The following CRYBG1 variants were observed in gnomAD, a reference collection of about 807,000 sequenced individuals.
CRYBG1 encodes beta/gamma crystallin domain-containing protein 1.
Under a neutral mutation model 189.2 loss-of-function variants are expected in CRYBG1, and 139 were observed. The observed-to-expected ratio is 0.73, with a 90% CI of 0.64 to 0.85. The LOEUF (loss-of-function observed/expected upper bound fraction) is 0.85, where lower values mean the gene tolerates loss of function less well. CRYBG1 is among the 40% of genes least tolerant of loss of function. The pLI is 0.00. For synonymous variants in CRYBG1, 1,023 were observed against 1,017.1 expected (o/e 1.01, Z -0.11); for missense variants, 2,611 against 2,675.8 (o/e 0.98, Z 0.53).
At chr6:106,482,705 A>G (rs1428090578) in intron 2 of CRYBG1, among the ~76,000 whole-genome samples, 1 of 152,054 alleles carries the variant, frequency 6.6e-6, no homozygotes, top group East Asian at 1.9e-4. Flanking sequence ...AACCGGGGAG[A>G]CAGAGGTTGC....
chr6:106,569,334 C>A lies in CRYBG1; in HGVS notation c.*768C>A, dbSNP rs1268642366. The A allele has an allele frequency of 6.6e-6, 1 of 152,152 alleles. No individual in the cohort carries two copies. The highest frequency in any genetic ancestry group is 1.5e-5 in the Non-Finnish European group (1 of 68,042). 9.4% of individuals were successfully genotyped at this position (152,152 alleles called of 1,614,324 possible). A position where few individuals can be genotyped will look rare whatever the true frequency, so the allele number is the denominator to read the frequency against. On this transcript the variant is annotated 3_prime_UTR_variant, in exon 22 of 22. Coordinates refer to ENST00000633556, the MANE Select transcript of CRYBG1 (RefSeq NM_001371242.2). ...TCCCCAGGCTCAGGTGATCCTCCCA[C>A]CTCAGCCTCCCAAGTAGCTGGGACT...
chr6:106,383,713 C>T (rs1190052390), intron 1 of CRYBG1, among the ~76,000 whole-genome samples: 1 of 152,188 alleles, frequency 6.6e-6, no homozygotes, highest in East Asian at 1.9e-4. Flanking sequence ...ACATGTTTTT[C>T]CTCTGATCAG....
chr6:106,435,787 G>T (rs760057367), intron 1 of CRYBG1, among the ~76,000 whole-genome samples: 3 of 151,954 alleles, frequency 2.0e-5, no homozygotes, highest in Non-Finnish European at 4.4e-5. Context: ...TGTTGGTCAG[G>T]CTGGTCTCTA....
chr6:106,372,320 C>CAACTCACTGTAGCCTT (rs1313559262), intron 1 of CRYBG1, among the ~76,000 whole-genome samples: 22 of 152,066 alleles, frequency 1.4e-4, no homozygotes, highest in African/African-American at 5.3e-4. Flanking sequence ...GGCACAATCT[C>CAACTCACTGTAGCCTT]AACTCACTGT....
intron 2 of CRYBG1, among the ~76,000 whole-genome samples, chr6:106,494,015 T>C (rs1018298230): frequency 6.6e-6 from 1 of 152,200 alleles, no homozygotes; most frequent in African/African-American, 2.4e-5. Context: ...TGGTATATTA[T>C]TCAGCCATAA....
intron 13 of CRYBG1, among the ~76,000 whole-genome samples, chr6:106,550,927 G>T (rs542639562): frequency 5.9e-5 from 9 of 151,996 alleles, no homozygotes; most frequent in African/African-American, 2.2e-4. Flanking sequence ...TGATAAGCGA[G>T]AACGCCAAAA....
intron 1 of CRYBG1, among the ~76,000 whole-genome samples, chr6:106,410,260 T>A (rs1770905615): frequency 6.6e-6 from 1 of 151,988 alleles, no homozygotes; most frequent in South Asian, 2.1e-4. Context: ...CCAACAAACA[T>A]GTGAAAGAAA....
intron 1 of CRYBG1, among the ~76,000 whole-genome samples, chr6:106,401,856 G>A (rs1335673807): frequency 1.3e-4 from 20 of 149,434 alleles, no homozygotes; most frequent in South Asian, 4.3e-4. Context: ...GAATAGTGCC[G>A]CAATAAACAT....
intron 2 of CRYBG1, among the ~76,000 whole-genome samples, chr6:106,468,143 G>C (rs1772151609): frequency 6.6e-6 from 1 of 152,184 alleles, no homozygotes; most frequent in African/African-American, 2.4e-5. Context: ...TAAAGAAATA[G>C]CTAATGAAGA....
At chr6:106,427,675 T>C (rs931183392) in intron 1 of CRYBG1, among the ~76,000 whole-genome samples, 1 of 151,918 alleles carries the variant, frequency 6.6e-6, no homozygotes, top group African/African-American at 2.4e-5. Flanking sequence ...GATTCTTTTA[T>C]TTTTTTAATT....
chr6:106,451,557 T>G, intron 1 of CRYBG1, 137 bp from the exon 2 acceptor site: 5 of 842,776 alleles, frequency 5.9e-6, no homozygotes, highest in Non-Finnish European at 6.9e-6. Flanking sequence ...TACAACGCCG[T>G]GTAGGTTTTG....
chr6:106,562,985 A>G (rs1393767080), intron 20 of CRYBG1, among the ~76,000 whole-genome samples: 2 of 152,006 alleles, frequency 1.3e-5, no homozygotes, highest in Non-Finnish European at 2.9e-5. Flanking sequence ...ATGCCACTAT[A>G]CCTGGCTAAT....
At chr6:106,444,166 A>G (rs1272839275) in intron 1 of CRYBG1, among the ~76,000 whole-genome samples, 1 of 152,142 alleles carries the variant, frequency 6.6e-6, no homozygotes, top group African/African-American at 2.4e-5. Flanking sequence ...GAGTATTGAC[A>G]CTGTCAAAAT....
chr6:106,520,524 G>C lies in CRYBG1; in HGVS notation c.3316G>C (p.Glu1106Gln), dbSNP rs1340670409. The C allele has an allele frequency of 7.4e-6, 12 of 1,614,098 alleles. No individual in the cohort carries two copies. Among genetic ancestry groups the C allele is most frequent in the Non-Finnish European group, 9.3e-6 (11 of 1,180,002 alleles). The change falls in exon 4 of 22, where the codon GAA (glutamate) becomes CAA (glutamine). Residue 1106 changes from glutamate to glutamine, a missense_variant. Glu to Gln is a conservative substitution (Grantham distance 29). This residue lies in a region of CRYBG1 where 1,622 missense variants were observed against 1,735.0 expected (regional missense o/e 0.93). Transcript: ENST00000633556. ...DSVFDSSSDM[E>Q]KFTEIIKQMD... is the part of the protein sequence containing the mutation. ...TGTATTTGATTCTTCTTCTGATATG[G>C]AAAAATTCACTGAAATTATAAAACA...
chr6:106,547,156 G>A (rs1045909510), intron 13 of CRYBG1, among the ~76,000 whole-genome samples: 1 of 149,236 alleles, frequency 6.7e-6, no homozygotes, highest in African/African-American at 2.5e-5. Flanking sequence ...GTAGAAGGGG[G>A]AAGTTGAAGG....
Position 106,521,457 on chromosome 6 carries a change from A to G in CRYBG1, c.4245+4A>G. On this transcript the variant is annotated splice_donor_region_variant and intron_variant, in intron 4 of 21. Coordinates refer to ENST00000633556, the MANE Select transcript of CRYBG1 (RefSeq NM_001371242.2). ...AATGTCATTATCAGACACAATGGTA[A>G]GTAGCAATGTGTTATTATTTATTTG... is the stretch of plus-strand genomic sequence containing the variant. The G allele has an allele frequency of 3.2e-6, 5 of 1,559,720 alleles. No individual in the cohort carries two copies. The highest frequency in any genetic ancestry group is 4.3e-6 in the Non-Finnish European group (5 of 1,156,672).
In CRYBG1 at chr6:106,488,012, T is replaced by C. The variant is rs1425080932; in HGVS notation, c.313-23418T>C. On this transcript the variant is annotated intron_variant, in intron 2 of 21. Coordinates refer to ENST00000633556, the MANE Select transcript of CRYBG1 (RefSeq NM_001371242.2). Reference sequence around the variant, plus strand: ...TAGGGTGTTGGTTGGGAATGGTGCATTGACTTTGGTTCTGGGTGAGTAGAC... The same window carrying C: ...TAGGGTGTTGGTTGGGAATGGTGCACTGACTTTGGTTCTGGGTGAGTAGAC... 2.6e-5 allele frequency among the ~76,000 whole-genome samples: 4 copies of C among 152,258 alleles called. No homozygotes were observed. The South Asian group carries it at 6.2e-4, about 24-fold the overall frequency.
intron 1 of CRYBG1, among the ~76,000 whole-genome samples, chr6:106,427,036 A>T (rs1221859420): frequency 6.6e-6 from 1 of 151,838 alleles, no homozygotes; most frequent in Non-Finnish European, 1.5e-5. Context: ...TGTCTCCATG[A>T]ACTCTCTTTT....
At chr6:106,432,601 G>A (rs182155995) in intron 1 of CRYBG1, among the ~76,000 whole-genome samples, 10 of 152,102 alleles carry the variant, frequency 6.6e-5, no homozygotes, top group South Asian at 2.1e-4. Flanking sequence ...ATCTCTAACC[G>A]AAACATAGGA....
Sources: allele counts gnomAD v4.1 joint callset (sites outside exome capture counted in the v4.1 genomes callset), GRCh38; gene constraint gnomAD v4.1.1; regional missense constraint gnomAD v4.1.1; transcripts MANE v1.5; gene names NCBI Gene and HGNC (gene_info 2026-07-23, HGNC 2026-07-21).